CERS4: variants seen among roughly 807,000 people sequenced by gnomAD.
CERS4 encodes LAG1 homolog, ceramide synthase 4.
In CERS4, 65 loss-of-function variants were observed where a neutral mutation model predicts 51.8. The observed-to-expected ratio is 1.26, with a 90% CI of 1.03 to 1.54. The LOEUF (loss-of-function observed/expected upper bound fraction) is 1.54. Among genes scored for constraint, CERS4 ranks in the 40% most tolerant of loss-of-function variants. The pLI is 0.00. For synonymous variants in CERS4, 228 were observed against 208.4 expected (o/e 1.09, Z -0.81); for missense variants, 563 against 500.4 (o/e 1.13, Z -1.19).
In CERS4 at chr19:8,255,670, C is replaced by T. The variant is rs143854243; in HGVS notation, c.355C>T (p.Arg119Trp). Residue 119 changes from arginine (R) to tryptophan (W), a missense_variant, in exon 5 of 12, where the codon CGG becomes TGG. By Grantham distance (101) the Arg-to-Trp change is moderately radical. Transcript: ENST00000251363. ...LTLQQTQRWF[R>W]RRRNQDRPQL... Reference sequence around the variant, plus strand: ...GCTGCAGCAGACCCAGCGATGGTTCCGGAGACGCCGGAACCAGGATCGACC... The same window carrying T: ...GCTGCAGCAGACCCAGCGATGGTTCTGGAGACGCCGGAACCAGGATCGACC... 115 of 1,611,652 alleles carry T rather than the reference C, an allele frequency of 7.1e-5. No homozygotes were observed. The highest frequency in any genetic ancestry group is 8.3e-5 in the Non-Finnish European group (98 of 1,179,306).
Position 8,257,964 on chromosome 19 carries a change from G to A in CERS4, c.827G>A (p.Arg276Gln), listed in dbSNP as rs781342642. 1.4e-5 allele frequency: 23 copies of A among 1,613,828 alleles called. No individual in the cohort carries two copies. Among genetic ancestry groups the A allele is most frequent in the East Asian group, 4.5e-5 (2 of 44,870 alleles). Reference sequence around the variant, plus strand: ...TTCTCCTTTGTCTTCTTCTACACCCGACTGGTCCTCTTTCCCACCCAGTGA... The same window carrying A: ...TTCTCCTTTGTCTTCTTCTACACCCAACTGGTCCTCTTTCCCACCCAGTGA... ...LIFSFVFFYT[R>Q]LVLFPTQILY... The change falls in exon 10 of 12, where the codon CGA becomes CAA. Residue 276 changes from arginine to glutamine, a missense_variant. By Grantham distance (43) the Arg-to-Gln change is conservative. Transcript: ENST00000251363.
Position 8,255,890 on chromosome 19 carries a change from C to T in CERS4, c.468+11C>T, listed in dbSNP as rs746184488. 4.3e-6 allele frequency: 7 copies of T among 1,613,506 alleles called. No individual in the cohort carries two copies. The highest frequency in any genetic ancestry group is 5.9e-6 in the Non-Finnish European group (7 of 1,179,838). On this transcript the variant is annotated intron_variant, in intron 6 of 11. Coordinates refer to ENST00000251363, the MANE Select transcript of CERS4 (RefSeq NM_024552.3). ...TCGGTCCTGTACCACGTGAGTATAC[C>T]AGAGTATAGCTGACTGCTCACCTGC...
chr19:8,228,687 T>G (rs567365666), intron 2 of CERS4, among the ~76,000 whole-genome samples: 31 of 145,836 alleles, frequency 2.1e-4, no homozygotes, highest in African/African-American at 6.9e-4. Context: ...AAAAAAAAAT[T>G]TTTTTTTTAA....
At chr19:8,216,030 T>C (rs888610437) in intron 2 of CERS4, among the ~76,000 whole-genome samples, 10 of 152,002 alleles carry the variant, frequency 6.6e-5, no homozygotes, top group African/African-American at 2.4e-4. Context: ...ATCATCAGGG[T>C]TTCCTCCCTC....
At chr19:8,254,402 G>C in intron 3 of CERS4, 97 bp from the exon 4 acceptor site, 2 of 1,022,916 alleles carry the variant, frequency 2.0e-6, no homozygotes, top group Non-Finnish European at 2.9e-6. Flanking sequence ...TTGCCCCTCC[G>C]AGACTTGGTT....
chr19:8,248,999 G>A (rs1447186063), intron 2 of CERS4, among the ~76,000 whole-genome samples: 2 of 139,420 alleles, frequency 1.4e-5, no homozygotes, highest in Non-Finnish European at 3.2e-5. Context: ...AATGATGGGT[G>A]GATGGACAGA....
rs182452623 is a variant in CERS4 at position 8,260,611 on chromosome 19, T to C, written c.849-1077T>C. Reference sequence around the variant, plus strand: ...GTAAAGAGTGAGCTTTTTGTTTTTTTCTTTCTTGTGTGAAATAACAGTGGG... The same window carrying C: ...GTAAAGAGTGAGCTTTTTGTTTTTTCCTTTCTTGTGTGAAATAACAGTGGG... On this transcript the variant is annotated intron_variant, in intron 10 of 11. Coordinates refer to ENST00000251363, the MANE Select transcript of CERS4 (RefSeq NM_024552.3). Among the ~76,000 whole-genome samples, 348 of 152,090 alleles carry C rather than the reference T, an allele frequency of 2.3e-3. 4 individuals carry two copies. Among genetic ancestry groups the C allele is most frequent in the Admixed American group, 5.2e-3 (79 of 15,284 alleles).
chr19:8,256,189 A>C (rs1392994452), intron 6 of CERS4, 47 bp from the exon 7 acceptor site: 1 of 1,578,850 alleles, frequency 6.3e-7, no homozygotes, highest in Admixed American at 1.8e-5. Context: ...CCAGGGTGGG[A>C]GGTTGGATTC....
intron 2 of CERS4, among the ~76,000 whole-genome samples, chr19:8,242,787 T>C (rs1968592073): frequency 6.6e-6 from 1 of 152,064 alleles, no homozygotes. Context: ...TATGGTCTGG[T>C]GGGAGCAGAG....
intron 2 of CERS4, among the ~76,000 whole-genome samples, chr19:8,242,364 G>A (rs532646058): frequency 1.3e-5 from 2 of 152,330 alleles, no homozygotes; most frequent in East Asian, 3.9e-4. Flanking sequence ...AGCCTCCTTG[G>A]AGAGCTCCCT....
intron 4 of CERS4, 44 bp from the exon 5 acceptor site, chr19:8,255,563 C>T: frequency 2.6e-6 from 4 of 1,549,812 alleles, no homozygotes; most frequent in Non-Finnish European, 3.5e-6. Context: ...GGGGAAGCCA[C>T]CACAGGGCCT....
chr19:8,248,248 G>A (rs916609221), intron 2 of CERS4, among the ~76,000 whole-genome samples: 6 of 152,156 alleles, frequency 3.9e-5, no homozygotes, highest in African/African-American at 1.2e-4. Context: ...CTGCTGTGTC[G>A]CCAAGGCCCA....
intron 2 of CERS4, among the ~76,000 whole-genome samples, chr19:8,230,624 A>G (rs1967970586): frequency 6.6e-6 from 1 of 152,196 alleles, no homozygotes; most frequent in Non-Finnish European, 1.5e-5. Flanking sequence ...TATTCAGTAC[A>G]TTCAAAGTGT....
rs566104723 is a variant in CERS4 at position 8,253,263 on chromosome 19, C to T, written c.174-1236C>T. ...GGATGCTGGGAGGAGGGGCTTGGAG[C>T]GGGAACAGCCCCAGCCCCTGCCCAT... On this transcript the variant is annotated intron_variant, in intron 3 of 11. Transcript: ENST00000251363. Among the ~76,000 whole-genome samples the T allele has an allele frequency of 5.9e-5, 9 of 152,264 alleles. No individual in the cohort carries two copies. In the South Asian group the frequency reaches 1.2e-3, roughly 21 times the overall value.
intron 2 of CERS4, among the ~76,000 whole-genome samples, chr19:8,212,635 T>G (rs927273043): frequency 7.4e-6 from 1 of 135,202 alleles, no homozygotes; most frequent in Non-Finnish European, 1.6e-5. Context: ...GTTTTTTTAA[T>G]TATTATTTTT....
Position 8,225,291 on chromosome 19 carries a change from G to A in CERS4, c.-2+14429G>A, listed in dbSNP as rs1006890573. Among the ~76,000 whole-genome samples, 193 of 152,240 alleles carry A rather than the reference G, an allele frequency of 1.3e-3. 2 individuals carry two copies. Among genetic ancestry groups the A allele is most frequent in the Admixed American group, 2.3e-3 (35 of 15,244 alleles). ...TCATGCTTAGAGGAATTGACCACTT[G>A]GGATTGGCCATGGGAGGCTGCGACT... On this transcript the variant is annotated intron_variant, in intron 2 of 11. Coordinates refer to ENST00000251363, the MANE Select transcript of CERS4 (RefSeq NM_024552.3).
At chr19:8,231,760 G>A (rs1249976576) in intron 2 of CERS4, among the ~76,000 whole-genome samples, 1 of 151,250 alleles carries the variant, frequency 6.6e-6, no homozygotes, top group African/African-American at 2.4e-5. Flanking sequence ...CATCGTGTTA[G>A]CCAGGATGGT....
intron 2 of CERS4, among the ~76,000 whole-genome samples, chr19:8,250,265 G>A (rs1205958180): frequency 6.6e-6 from 1 of 152,052 alleles, no homozygotes; most frequent in Non-Finnish European, 1.5e-5. Context: ...ATGAGCCATG[G>A]TGCCCGGCCA....
chr19:8,259,543 C>T (rs1969569212), intron 10 of CERS4, among the ~76,000 whole-genome samples: 1 of 151,944 alleles, frequency 6.6e-6, no homozygotes, highest in Non-Finnish European at 1.5e-5. Context: ...TTGGCAGCTG[C>T]AGGGGAAACA....
Sources: allele counts gnomAD v4.1 joint callset (sites outside exome capture counted in the v4.1 genomes callset), GRCh38; gene constraint gnomAD v4.1.1; transcripts MANE v1.5; gene names NCBI Gene and HGNC (gene_info 2026-07-23, HGNC 2026-07-21).